KLHL1: variants seen among roughly 807,000 people sequenced by gnomAD.
KLHL1 encodes the protein kelch like family member 1.
In KLHL1, 47 loss-of-function variants were observed where a neutral mutation model predicts 77.7. The observed-to-expected ratio is 0.60, with a 90% CI of 0.48 to 0.77. The LOEUF is 0.77. Ranked by LOEUF, KLHL1 falls within the 30% of genes least tolerant of loss-of-function variation. The pLI, the probability that KLHL1 is intolerant of heterozygous loss-of-function variation, is 0.00. For synonymous variants in KLHL1, 360 were observed against 325.2 expected (o/e 1.11, Z -1.15); for missense variants, 925 against 910.8 (o/e 1.02, Z -0.20).
intron 5 of KLHL1, among the ~76,000 whole-genome samples, chr13:69,862,699 T>C (rs192538461): frequency 6.6e-6 from 1 of 151,788 alleles, no homozygotes; most frequent in Non-Finnish European, 1.5e-5. Context: ...AAATGAGGTA[T>C]TAATGCAATA....
intron 4 of KLHL1, among the ~76,000 whole-genome samples, chr13:69,910,571 A>G (rs1002745995): frequency 6.6e-5 from 10 of 152,182 alleles, no homozygotes; most frequent in African/African-American, 2.4e-4. Flanking sequence ...ACAAGCTCAG[A>G]TAATGTTCTA....
chr13:70,028,507 A>G (rs1245276102), intron 1 of KLHL1, among the ~76,000 whole-genome samples: 1 of 152,098 alleles, frequency 6.6e-6, no homozygotes, highest in Non-Finnish European at 1.5e-5. Context: ...AATGTGACAC[A>G]TTTTTCAGGC....
chr13:69,962,730 C>T (rs986641968), intron 2 of KLHL1, among the ~76,000 whole-genome samples: 1 of 151,880 alleles, frequency 6.6e-6, no homozygotes, highest in Non-Finnish European at 1.5e-5. Context: ...ATGAATAAAT[C>T]TCTAATTTTA....
At chr13:70,061,414 G>A (rs774448582) in intron 1 of KLHL1, among the ~76,000 whole-genome samples, 6 of 149,530 alleles carry the variant, frequency 4.0e-5, no homozygotes, top group East Asian at 2.0e-4. Context: ...GGTTTTTACT[G>A]CTTTATTGGA....
intron 5 of KLHL1, among the ~76,000 whole-genome samples, chr13:69,856,859 T>C (rs943133655): frequency 5.9e-5 from 9 of 152,164 alleles, no homozygotes; most frequent in Admixed American, 5.2e-4. Context: ...GCCCATTTTA[T>C]TCCTTACAAT....
At chr13:70,054,582 C>G (rs554676562) in intron 1 of KLHL1, among the ~76,000 whole-genome samples, 1 of 151,750 alleles carries the variant, frequency 6.6e-6, no homozygotes, top group East Asian at 1.9e-4. Flanking sequence ...GTATGAGTGA[C>G]CAACCCCCAA....
At chr13:70,091,803 T>C (rs1006516496) in intron 1 of KLHL1, among the ~76,000 whole-genome samples, 2 of 152,222 alleles carry the variant, frequency 1.3e-5, no homozygotes, top group African/African-American at 2.4e-5. Flanking sequence ...AGGTGCCGCC[T>C]AAACTACCTT....
At chr13:69,855,967 T>C (rs1302205777) in intron 5 of KLHL1, among the ~76,000 whole-genome samples, 1 of 147,556 alleles carries the variant, frequency 6.8e-6, no homozygotes, top group African/African-American at 2.5e-5. Context: ...ATAACATATA[T>C]AATATACATG....
intron 4 of KLHL1, among the ~76,000 whole-genome samples, chr13:69,912,880 T>C (rs1882286041): frequency 6.6e-6 from 1 of 152,152 alleles, no homozygotes; most frequent in African/African-American, 2.4e-5. Context: ...CTCCCTTCAG[T>C]GGACACCCCA....
intron 1 of KLHL1, among the ~76,000 whole-genome samples, chr13:70,106,605 C>G (rs932209037): frequency 6.6e-6 from 1 of 152,160 alleles, no homozygotes; most frequent in Non-Finnish European, 1.5e-5. Context: ...AAGACTTACT[C>G]TGAACAAGGC....
At chr13:69,920,513 T>C (rs1462961278) in intron 4 of KLHL1, among the ~76,000 whole-genome samples, 2 of 152,052 alleles carry the variant, frequency 1.3e-5, no homozygotes, top group Admixed American at 6.6e-5. Flanking sequence ...TAATATAAAA[T>C]ATATCCTTGG....
chr13:69,706,381 G>T (rs1875626218), intron 10 of KLHL1, among the ~76,000 whole-genome samples: 1 of 152,002 alleles, frequency 6.6e-6, no homozygotes, highest in East Asian at 1.9e-4. Flanking sequence ...TAGGAATTTG[G>T]TTTTGTACTC....
At chr13:69,745,597 C>T (rs1277241539) in intron 7 of KLHL1, among the ~76,000 whole-genome samples, 3 of 151,552 alleles carry the variant, frequency 2.0e-5, no homozygotes, top group South Asian at 2.1e-4. Flanking sequence ...AAAAATGGAC[C>T]ATGACCAATA....
At chr13:69,842,985 A>T (rs1471624009) in intron 5 of KLHL1, among the ~76,000 whole-genome samples, 3 of 151,658 alleles carry the variant, frequency 2.0e-5, no homozygotes, top group African/African-American at 7.2e-5. Flanking sequence ...AGTTAAGAAA[A>T]TTCATTATAT....
chr13:69,949,443 C>A (rs760536798), intron 3 of KLHL1, among the ~76,000 whole-genome samples: 1 of 151,702 alleles, frequency 6.6e-6, no homozygotes, highest in Non-Finnish European at 1.5e-5. Context: ...TGTCTCATCC[C>A]ATGCTATTTA....
chr13:69,999,514 T>G (rs1190974449), intron 1 of KLHL1, among the ~76,000 whole-genome samples: 1 of 152,090 alleles, frequency 6.6e-6, no homozygotes, highest in Non-Finnish European at 1.5e-5. Context: ...AAACTTTCCC[T>G]TCTGCATTTT....
At chr13:70,075,565 A>ATG (rs1381824250) in intron 1 of KLHL1, among the ~76,000 whole-genome samples, 1 of 132,050 alleles carries the variant, frequency 7.6e-6, no homozygotes, top group South Asian at 2.3e-4. Context: ...GTGTGTGTGT[A>ATG]TGTGTATATA....
chr13:70,059,103 A>G (rs921971265), intron 1 of KLHL1, among the ~76,000 whole-genome samples: 2 of 152,020 alleles, frequency 1.3e-5, no homozygotes, highest in African/African-American at 4.8e-5. Flanking sequence ...TGAAACTACT[A>G]CAAGAAAACA....
rs1555267671 is a variant in KLHL1, at chr13:69,780,721, T to TATAC, written c.1639+16016_1639+16017insGTAT. 1.3e-4 allele frequency among the ~76,000 whole-genome samples: 8 copies of TATAC among 62,880 alleles called. 1 individual carries two copies. The highest frequency in any genetic ancestry group is 1.1e-3 in the South Asian group (2 of 1,844). 41.3% of individuals were successfully genotyped at this position (62,880 alleles called of 152,430 possible). On this transcript the variant is annotated intron_variant, in intron 7 of 10. Transcript: ENST00000377844. ...ATATATGTATATATATATATGTATA[T>TATAC]ATATATATATACATATATATATACA...
Sources: allele counts gnomAD v4.1 joint callset (sites outside exome capture counted in the v4.1 genomes callset), GRCh38; gene constraint gnomAD v4.1.1; transcripts MANE v1.5; gene names NCBI Gene and HGNC (gene_info 2026-07-23, HGNC 2026-07-21).